Variants in GULP1 observed in about 807,000 individuals in gnomAD.
GULP1 encodes the protein GULP PTB domain containing engulfment adaptor 1, also known as PTB domain-containing engulfment adapter protein 1.
Under a neutral mutation model 40.9 loss-of-function variants are expected in GULP1, and 19 were observed. The observed-to-expected ratio is 0.46, with a 90% CI of 0.32 to 0.68. The LOEUF is 0.68. Ranked by LOEUF, GULP1 falls within the 30% of genes least tolerant of loss-of-function variation. GULP1 has a pLI of 0.03. For synonymous variants in GULP1, 119 were observed against 117.6 expected, an observed-to-expected ratio of 1.01 and a Z score of -0.08; for missense variants, 312 against 362.2, an observed-to-expected ratio of 0.86 and a Z score of 1.12.
At chr2:188,298,803 T>C (rs1191311526) in intron 1 of GULP1, among the ~76,000 whole-genome samples, 1 of 152,206 alleles carries the variant, frequency 6.6e-6, no homozygotes, top group East Asian at 1.9e-4. Context: ...GATGAGGTTT[T>C]AGAGAACAAC....
intron 2 of GULP1, among the ~76,000 whole-genome samples, chr2:188,451,022 A>G (rs2058797707): frequency 6.6e-6 from 1 of 152,220 alleles, no homozygotes; most frequent in African/African-American, 2.4e-5. Context: ...ATATGCTACC[A>G]TTTAAACTCC....
chr2:188,418,579 G>A (rs1275541751), intron 2 of GULP1, among the ~76,000 whole-genome samples: 2 of 152,152 alleles, frequency 1.3e-5, no homozygotes, highest in South Asian at 4.1e-4. Context: ...GTTGCAGTGA[G>A]CTGAAATCAC....
In GULP1 at chr2:188,483,506, A is replaced by G; in HGVS notation, c.90+14A>G. The G allele has an allele frequency of 8.8e-7, 1 of 1,135,218 alleles. No individual in the cohort carries two copies. The highest frequency in any genetic ancestry group is 1.3e-6 in the Non-Finnish European group (1 of 775,538). The allele number at this position is 1,135,218 out of a possible 1,614,324, so 70.3% of individuals were successfully genotyped here. A position where few individuals can be genotyped will look rare whatever the true frequency, so the allele number is the denominator to read the frequency against. On this transcript the variant is annotated intron_variant, in intron 4 of 11. Coordinates refer to ENST00000409830, the MANE Select transcript of GULP1 (RefSeq NM_016315.4). ...TATAATGCAAAGGTAAAAATAGTTC[A>G]TTTATTATTTAATTTTATTTTGTTA...
intron 1 of GULP1, among the ~76,000 whole-genome samples, chr2:188,363,448 C>T (rs2046349486): frequency 6.6e-6 from 1 of 152,056 alleles, no homozygotes; most frequent in African/African-American, 2.4e-5. Flanking sequence ...TAAAATTTAT[C>T]TTGAAAATTC....
intron 2 of GULP1, among the ~76,000 whole-genome samples, chr2:188,395,256 T>A (rs554283322): frequency 6.6e-6 from 1 of 152,354 alleles, no homozygotes; most frequent in East Asian, 1.9e-4. Flanking sequence ...TTTTGGCTAT[T>A]CAGATCAGAC....
At chr2:188,550,124 T>C (rs12476413) in intron 7 of GULP1, among the ~76,000 whole-genome samples, 134,637 of 151,632 alleles carry the variant, frequency 0.89, 61,069 homozygotes, top group South Asian at 0.99. Context: ...CTCTGTATTA[T>C]TTCTCACAGC....
At chr2:188,593,724 C>T (rs1704045113) in intron 11 of GULP1, 1 of 373,284 alleles carries the variant, frequency 2.7e-6, no homozygotes, top group East Asian at 3.9e-5. Flanking sequence ...ATGCTAACCT[C>T]ACATAGATTT....
chr2:188,570,928 C>T (rs1698893067), intron 9 of GULP1, among the ~76,000 whole-genome samples: 1 of 152,174 alleles, frequency 6.6e-6, no homozygotes, highest in East Asian at 1.9e-4. Flanking sequence ...GAGGCCAAGG[C>T]AGGCAGATCA....
chr2:188,440,829 AAAGAT>A (rs2057857408), intron 2 of GULP1, among the ~76,000 whole-genome samples: 1 of 152,216 alleles, frequency 6.6e-6, no homozygotes. Context: ...TGGTAGAAAA[AAAGAT>A]AAGATTCCAC....
At chr2:188,577,013 C>G (rs749781857) in intron 9 of GULP1, among the ~76,000 whole-genome samples, 11 of 152,094 alleles carry the variant, frequency 7.2e-5, no homozygotes, top group Non-Finnish European at 1.5e-4. Context: ...AAGATGTGGG[C>G]ATAACAAGTT....
intron 4 of GULP1, among the ~76,000 whole-genome samples, chr2:188,487,405 AGAGT>A (rs889763322): frequency 8.5e-5 from 13 of 152,082 alleles, no homozygotes; most frequent in Non-Finnish European, 1.6e-4. Context: ...AGCAGTAAAG[AGAGT>A]GAGTATTCCT....
chr2:188,494,262 A>G (rs1439830317), intron 4 of GULP1, among the ~76,000 whole-genome samples: 2 of 151,964 alleles, frequency 1.3e-5, no homozygotes, highest in African/African-American at 4.8e-5. Flanking sequence ...ACATCTCATT[A>G]AACATTCAGA....
At chr2:188,547,198 G>A (rs1283261807) in intron 7 of GULP1, among the ~76,000 whole-genome samples, 2 of 150,638 alleles carry the variant, frequency 1.3e-5, no homozygotes, top group Non-Finnish European at 1.5e-5. Flanking sequence ...ACTTCATTTT[G>A]TGAAACTAGT....
At chr2:188,329,110 G>A (rs2041184745) in intron 1 of GULP1, among the ~76,000 whole-genome samples, 1 of 148,826 alleles carries the variant, frequency 6.7e-6, no homozygotes, top group South Asian at 2.1e-4. Flanking sequence ...TCAATCATCA[G>A]TATTTTTCTC....
chr2:188,459,856 C>G (rs571966423), intron 2 of GULP1, among the ~76,000 whole-genome samples: 1 of 152,248 alleles, frequency 6.6e-6, no homozygotes, highest in East Asian at 1.9e-4. Flanking sequence ...CATTCTTTTG[C>G]ATATGGATGT....
intron 6 of GULP1, among the ~76,000 whole-genome samples, chr2:188,529,898 C>G (rs1307343214): frequency 6.6e-6 from 1 of 152,096 alleles, no homozygotes; most frequent in East Asian, 1.9e-4. Flanking sequence ...TTAAATTTAG[C>G]AGAGTTTATT....
chr2:188,412,539 A>G (rs1281699211), intron 2 of GULP1, among the ~76,000 whole-genome samples: 1 of 151,908 alleles, frequency 6.6e-6, no homozygotes, highest in African/African-American at 2.4e-5. Flanking sequence ...CCCTCCCATA[A>G]CACCTGGTGA....
intron 2 of GULP1, among the ~76,000 whole-genome samples, chr2:188,386,704 T>C (rs2049805689): frequency 6.6e-6 from 1 of 152,182 alleles, no homozygotes; most frequent in Non-Finnish European, 1.5e-5. Context: ...TTTATTGTTA[T>C]TGCTGAGTTT....
chr2:188,336,883 A>G (rs2042322475), intron 1 of GULP1, among the ~76,000 whole-genome samples: 1 of 152,202 alleles, frequency 6.6e-6, no homozygotes, highest in African/African-American at 2.4e-5. Context: ...CAATGGTTTC[A>G]GGCTGTTTCT....
Sources: allele counts gnomAD v4.1 joint callset (sites outside exome capture counted in the v4.1 genomes callset), GRCh38; gene constraint gnomAD v4.1.1; transcripts MANE v1.5; gene names NCBI Gene and HGNC (gene_info 2026-07-23, HGNC 2026-07-21).